Variants in HEMK2 observed in about 807,000 individuals in gnomAD.
HEMK2 encodes HemK methyltransferase 2, ETF1 glutamine and histone H4 lysine, also known as methyltransferase HEMK2.
At chr21:28,580,210 G>A in the HEMK2 span, among the ~76,000 whole-genome samples, 2 of 152,146 alleles carry the variant, frequency 1.3e-5, no homozygotes, top group Non-Finnish European at 1.5e-5. Flanking sequence ...GATCCTCTAA[G>A]AGAAGCAAGC....
chr21:28,846,081 G>A, the HEMK2 span, among the ~76,000 whole-genome samples: 3 of 152,114 alleles, frequency 2.0e-5, no homozygotes, highest in Non-Finnish European at 4.4e-5. Flanking sequence ...GTTTGCTTCA[G>A]AGAATGGCCT....
the HEMK2 span, among the ~76,000 whole-genome samples, chr21:28,838,563 CTACA>C: frequency 0.43 from 64,149 of 149,800 alleles, 15,530 homozygotes; most frequent in East Asian, 0.8. Flanking sequence ...AGAAAGAAAA[CTACA>C]TACAGACCAA....
the HEMK2 span, among the ~76,000 whole-genome samples, chr21:28,811,891 C>T: frequency 1.1e-4 from 17 of 152,192 alleles, no homozygotes; most frequent in Admixed American, 3.9e-4. Context: ...GCCATTCAGA[C>T]ACCACATATC....
chr21:28,759,708 A>G, the HEMK2 span, among the ~76,000 whole-genome samples: 1 of 152,136 alleles, frequency 6.6e-6, no homozygotes, highest in African/African-American at 2.4e-5. Flanking sequence ...TTCTAATGAT[A>G]GTGAATAAGT....
chr21:28,882,091 G>A, the HEMK2 span: 1 of 1,250,860 alleles, frequency 8.0e-7, no homozygotes, highest in Non-Finnish European at 1.1e-6. Flanking sequence ...ACTTACCAAA[G>A]TTTCTTTGAC....
At chr21:28,589,276 T>C in the HEMK2 span, among the ~76,000 whole-genome samples, 2 of 152,118 alleles carry the variant, frequency 1.3e-5, no homozygotes. Context: ...CTCATAGAAC[T>C]GTATAGCACA....
At chr21:28,706,565 T>C in the HEMK2 span, among the ~76,000 whole-genome samples, 1 of 152,210 alleles carries the variant, frequency 6.6e-6, no homozygotes, top group Non-Finnish European at 1.5e-5. Context: ...CTACCTGAAA[T>C]ATTGAGGCTT....
At chr21:28,810,036 C>A in the HEMK2 span, among the ~76,000 whole-genome samples, 11 of 152,174 alleles carry the variant, frequency 7.2e-5, no homozygotes, top group Admixed American at 3.9e-4. Flanking sequence ...AGTCTGAATG[C>A]CTGGAGCCTC....
the HEMK2 span, among the ~76,000 whole-genome samples, chr21:28,780,948 C>T: frequency 6.6e-6 from 1 of 152,194 alleles, no homozygotes; most frequent in African/African-American, 2.4e-5. Context: ...ATAGGCTACA[C>T]TTATCCTGCA....
chr21:28,840,067 C>G, the HEMK2 span, among the ~76,000 whole-genome samples: 1 of 152,094 alleles, frequency 6.6e-6, no homozygotes, highest in Non-Finnish European at 1.5e-5. Context: ...AACCCAGATA[C>G]TTACAGCCAA....
At chr21:28,590,400 C>T in the HEMK2 span, among the ~76,000 whole-genome samples, 2 of 151,650 alleles carry the variant, frequency 1.3e-5, no homozygotes, top group Admixed American at 6.6e-5. Flanking sequence ...TAGTAATGAA[C>T]ACAAATTAAT....
At chr21:28,691,059 G>C in the HEMK2 span, among the ~76,000 whole-genome samples, 3 of 152,246 alleles carry the variant, frequency 2.0e-5, no homozygotes, top group South Asian at 6.2e-4. Flanking sequence ...TCTCCCTTTA[G>C]GAGGCACAGA....
chr21:28,656,735 C>T, the HEMK2 span, among the ~76,000 whole-genome samples: 10 of 152,098 alleles, frequency 6.6e-5, no homozygotes, highest in Non-Finnish European at 1.2e-4. Flanking sequence ...CCACATGCCA[C>T]TGTTAATTCT....
the HEMK2 span, among the ~76,000 whole-genome samples, chr21:28,764,326 T>A: frequency 6.6e-6 from 1 of 151,982 alleles, no homozygotes; most frequent in East Asian, 1.9e-4. Context: ...GTGGTTAGAG[T>A]GAGTTTAAAT....
the HEMK2 span, among the ~76,000 whole-genome samples, chr21:28,839,010 T>TATATATATACAC: frequency 4.1e-5 from 3 of 72,292 alleles, no homozygotes; most frequent in African/African-American, 2.2e-4. Flanking sequence ...TACATATATA[T>TATATATATACAC]ACACAATCTG....
At chr21:28,738,423 T>C in the HEMK2 span, among the ~76,000 whole-genome samples, 1 of 152,042 alleles carries the variant, frequency 6.6e-6, no homozygotes, top group Non-Finnish European at 1.5e-5. Flanking sequence ...TCCAACAAGG[T>C]AAGGATGAGA....
the HEMK2 span, among the ~76,000 whole-genome samples, chr21:28,714,236 A>G: frequency 3.9e-5 from 6 of 152,122 alleles, no homozygotes; most frequent in Non-Finnish European, 7.4e-5. Flanking sequence ...GTGTTCTTAG[A>G]ACTTTTTTCC....
chr21:28,631,366 C>T, the HEMK2 span, among the ~76,000 whole-genome samples: 4 of 152,134 alleles, frequency 2.6e-5, no homozygotes, highest in African/African-American at 7.2e-5. Flanking sequence ...TTTCTACTTC[C>T]GTAATGTTGC....
At chr21:28,650,351 T>C in the HEMK2 span, among the ~76,000 whole-genome samples, 22 of 151,606 alleles carry the variant, frequency 1.5e-4, no homozygotes, top group Non-Finnish European at 2.5e-4. Context: ...GCCAAGATCA[T>C]GCCATTGCAC....
Sources: gnomAD v4.1 joint callset for allele counts (sites outside exome capture counted in the v4.1 genomes callset) on GRCh38, gnomAD v4.1.1 for gene constraint, MANE v1.5 for transcripts, NCBI Gene and HGNC (gene_info 2026-07-23, HGNC 2026-07-21) for gene names.